CEP162: variants seen among roughly 807,000 people sequenced by gnomAD.
CEP162 encodes centrosomal protein 162.
A neutral mutation model predicts 169.2 loss-of-function variants in CEP162; 141 were observed. That is an observed-to-expected ratio of 0.83 (90% CI 0.73 to 0.96). The LOEUF is 0.96. Ranked by LOEUF, CEP162 falls within the 40% of genes least tolerant of loss-of-function variation. The pLI is 0.00. For missense variants in CEP162, 1,600 were observed against 1,587.2 expected (o/e 1.01, Z -0.14); for synonymous variants, 540 against 526.4 (o/e 1.03, Z -0.35).
At chr6:84,153,669 T>G (rs368637708) in intron 22 of CEP162, among the ~76,000 whole-genome samples, 17 of 152,328 alleles carry the variant, frequency 1.1e-4, no homozygotes, top group African/African-American at 4.1e-4. Flanking sequence ...TGTTTAGTAT[T>G]CAGCAAATGA....
At chr6:84,186,257 C>A in intron 12 of CEP162, 75 bp downstream of exon 12, 1 of 792,018 alleles carries the variant, frequency 1.3e-6, no homozygotes, top group Non-Finnish European at 2.0e-6. Flanking sequence ...AAGCACACAC[C>A]TACCAATAGT....
At chr6:84,185,067 T>C (rs2099536509) in intron 13 of CEP162, 120 bp downstream of exon 13, 1 of 849,608 alleles carries the variant, frequency 1.2e-6, no homozygotes, top group Non-Finnish European at 1.8e-6. Context: ...GCCACCACCC[T>C]GGGTCAAGCC....
intron 25 of CEP162, among the ~76,000 whole-genome samples, chr6:84,129,370 T>C (rs1001025166): frequency 1.3e-5 from 2 of 152,228 alleles, no homozygotes; most frequent in Non-Finnish European, 2.9e-5. Flanking sequence ...GACTTTTTAA[T>C]GATCGCCATT....
chr6:84,170,140 G>A (rs758647809), intron 17 of CEP162, among the ~76,000 whole-genome samples: 7 of 152,012 alleles, frequency 4.6e-5, no homozygotes, highest in African/African-American at 9.7e-5. Flanking sequence ...TTGGGAGGCC[G>A]AGGCAGGTGG....
intron 3 of CEP162, among the ~76,000 whole-genome samples, chr6:84,216,571 T>C (rs1188965032): frequency 6.6e-6 from 1 of 152,192 alleles, no homozygotes; most frequent in Admixed American, 6.5e-5. Context: ...AATTTGAAAT[T>C]TTCTCTAAGG....
At chr6:84,215,225 A>G (rs757857840) in intron 5 of CEP162, 57 bp downstream of exon 5, 279 of 947,098 alleles carry the variant, frequency 2.9e-4, no homozygotes, top group Non-Finnish European at 3.9e-4. Flanking sequence ...CACATATATC[A>G]GCCTTCCAAA....
chr6:84,198,564 G>A (rs1455968981), intron 9 of CEP162, among the ~76,000 whole-genome samples: 1 of 152,156 alleles, frequency 6.6e-6, no homozygotes, highest in East Asian at 1.9e-4. Context: ...ACAGATGGGA[G>A]CCATTGCACC....
chr6:84,134,599 G>T (rs2099513095), intron 25 of CEP162, among the ~76,000 whole-genome samples: 1 of 152,094 alleles, frequency 6.6e-6, no homozygotes. Context: ...GCTAGGGGAG[G>T]GAGTTCCCCG....
At position 84,160,796 on chromosome 6, in the gene CEP162, T is replaced by C. The variant is rs1392054332; in HGVS notation, c.2781+16A>G. ...TATATAAAATATGCTCATGAAAATT[T>C]ACCCTGAACACATACTTGTCGCTCC... On this transcript the variant is annotated intron_variant, in intron 21 of 26. Coordinates refer to ENST00000403245, the MANE Select transcript of CEP162 (RefSeq NM_014895.4). 3 of 1,497,970 alleles carry C rather than the reference T, an allele frequency of 2.0e-6. No individual in the cohort carries two copies. The highest frequency in any genetic ancestry group is 1.4e-5 in the African/African-American group (1 of 72,422). 92.8% of individuals were successfully genotyped at this position (1,497,970 alleles called of 1,614,324 possible).
intron 26 of CEP162, among the ~76,000 whole-genome samples, chr6:84,126,121 A>G (rs1409120956): frequency 6.6e-6 from 1 of 152,142 alleles, no homozygotes; most frequent in Non-Finnish European, 1.5e-5. Flanking sequence ...GTAAGTTTTT[A>G]GGAATCCATC....
chr6:84,192,672 G>A (rs1404138424), intron 11 of CEP162, among the ~76,000 whole-genome samples: 1 of 152,192 alleles, frequency 6.6e-6, no homozygotes, highest in Non-Finnish European at 1.5e-5. Context: ...ATGAACAAAT[G>A]ACAACATGAA....
intron 11 of CEP162, among the ~76,000 whole-genome samples, chr6:84,192,408 G>A (rs538317264): frequency 2.0e-5 from 3 of 152,266 alleles, no homozygotes; most frequent in South Asian, 2.1e-4. Flanking sequence ...TGTAGTTACC[G>A]CTAACATACT....
At chr6:84,214,537 C>T (rs1411624303) in intron 5 of CEP162, among the ~76,000 whole-genome samples, 1 of 152,068 alleles carries the variant, frequency 6.6e-6, no homozygotes, top group East Asian at 1.9e-4. Flanking sequence ...AATCTCAGAC[C>T]CCGCAAAGTT....
chr6:84,222,770 G>A lies in CEP162; in HGVS notation c.58-1599C>T, dbSNP rs575141433. 1.1e-4 allele frequency among the ~76,000 whole-genome samples: 17 copies of A among 149,412 alleles called. 1 individual carries two copies. The highest frequency in any genetic ancestry group is 9.2e-4 in the Admixed American group (14 of 15,270). On this transcript the variant is annotated intron_variant, in intron 2 of 26. Coordinates refer to ENST00000403245, the MANE Select transcript of CEP162 (RefSeq NM_014895.4). ...CTAAAATGACAGGGCGCACACGCGC[G>A]TGCACACACACACACACACACAATC...
intron 13 of CEP162, among the ~76,000 whole-genome samples, chr6:84,182,790 T>C (rs760565892): frequency 3.9e-5 from 6 of 152,176 alleles, no homozygotes; most frequent in Non-Finnish European, 5.9e-5. Context: ...ATGAACTGCC[T>C]ATCTCTGGAC....
At chr6:84,191,307 C>T (rs1053271375) in intron 11 of CEP162, among the ~76,000 whole-genome samples, 6 of 152,172 alleles carry the variant, frequency 3.9e-5, no homozygotes, top group African/African-American at 1.4e-4. Context: ...ATGGTGATAA[C>T]ATACAAGACA....
chr6:84,132,576 A>G (rs1468621660), intron 25 of CEP162, among the ~76,000 whole-genome samples: 1 of 151,774 alleles, frequency 6.6e-6, no homozygotes, highest in Non-Finnish European at 1.5e-5. Flanking sequence ...TTCTCTTCTC[A>G]CTTCATTTCA....
At chr6:84,183,702 T>G (rs575656243) in intron 13 of CEP162, among the ~76,000 whole-genome samples, 1 of 152,264 alleles carries the variant, frequency 6.6e-6, no homozygotes, top group East Asian at 1.9e-4. Context: ...TCAGCTTCAC[T>G]TGGCAAAAAT....
intron 9 of CEP162, among the ~76,000 whole-genome samples, chr6:84,196,405 A>G (rs1441254986): frequency 4.6e-5 from 7 of 152,198 alleles, no homozygotes; most frequent in Non-Finnish European, 1.0e-4. Context: ...TAAATTACTT[A>G]GTCTTGGGTA....
Sources: allele counts gnomAD v4.1 joint callset (sites outside exome capture counted in the v4.1 genomes callset), GRCh38; gene constraint gnomAD v4.1.1; transcripts MANE v1.5; gene names NCBI Gene and HGNC (gene_info 2026-07-23, HGNC 2026-07-21).